Variants in DYSF observed in about 807,000 individuals in gnomAD.
The protein encoded by DYSF is dysferlin.
Under a neutral mutation model 274.9 loss-of-function variants are expected in DYSF, and 212 were observed. The observed-to-expected ratio is 0.77, with a 90% CI of 0.69 to 0.86. The LOEUF (loss-of-function observed/expected upper bound fraction) is 0.86. Among genes scored for constraint, DYSF ranks in the 40% least tolerant of loss-of-function variants. DYSF has a pLI of 0.00. For missense variants in DYSF, 2,666 were observed against 2,783.2 expected, an observed-to-expected ratio of 0.96 and a Z score of 0.95; for synonymous variants, 1,091 against 1,078.7, an observed-to-expected ratio of 1.01 and a Z score of -0.22.
intron 51 of DYSF, among the ~76,000 whole-genome samples, chr2:71,670,320 G>A (rs558717277): frequency 1.2e-4 from 18 of 152,348 alleles, no homozygotes; most frequent in African/African-American, 4.3e-4. Flanking sequence ...TGAGTGGGTA[G>A]AGTAGGGACA....
chr2:71,492,421 T>C (rs1296832887), intron 3 of DYSF, among the ~76,000 whole-genome samples: 2 of 152,220 alleles, frequency 1.3e-5, no homozygotes, highest in Admixed American at 6.5e-5. Flanking sequence ...ACCTGGCTCA[T>C]TGACGCTAAC....
At chr2:71,665,444 A>G in intron 47 of DYSF, 140 bp downstream of exon 47, 1 of 1,066,526 alleles carries the variant, frequency 9.4e-7, no homozygotes. Flanking sequence ...GGCAGCACAG[A>G]TGGGCTCCAC....
At chr2:71,614,484 CT>C (rs1193026759) in intron 40 of DYSF, among the ~76,000 whole-genome samples, 2 of 152,232 alleles carry the variant, frequency 1.3e-5, no homozygotes, top group Non-Finnish European at 2.9e-5. Flanking sequence ...CTCCTGCCCC[CT>C]GTCCCTTGTC....
chr2:71,537,755 T>C (rs10180237), intron 16 of DYSF, among the ~76,000 whole-genome samples: 98,532 of 151,954 alleles, frequency 0.65, 32,709 homozygotes, highest in Middle Eastern at 0.76. Context: ...AAAGAAAAAT[T>C]GAAGCACCAT....
chr2:71,680,082 G>C (rs2095277918), intron 53 of DYSF, among the ~76,000 whole-genome samples: 1 of 152,082 alleles, frequency 6.6e-6, no homozygotes, highest in Non-Finnish European at 1.5e-5. Context: ...ATGAGGCACA[G>C]TAAGAGATTA....
intron 3 of DYSF, among the ~76,000 whole-genome samples, chr2:71,500,616 C>T (rs1573546479): frequency 6.6e-6 from 1 of 152,084 alleles, no homozygotes; most frequent in African/African-American, 2.4e-5. Context: ...GGGAATTCTC[C>T]CTGGGCTGGG....
intron 17 of DYSF, 31 bp downstream of exon 17, chr2:71,539,270 C>CCAA (rs2089689912): frequency 9.4e-6 from 15 of 1,589,664 alleles, no homozygotes; most frequent in Non-Finnish European, 1.3e-5. Flanking sequence ...GCCCTTTGAC[C>CCAA]CCCTGTGCTC....
chr2:71,477,783 G>C (rs1385882227), intron 1 of DYSF, among the ~76,000 whole-genome samples: 1 of 152,222 alleles, frequency 6.6e-6, no homozygotes, highest in Non-Finnish European at 1.5e-5. Context: ...GCAACTTACT[G>C]TTAAGAAGTT....
At position 71,665,192 on chromosome 2, in the gene DYSF, C is replaced by T. The variant is rs1024569123; in HGVS notation, c.5205C>T (p.Leu1735=). Residue 1735 remains leucine (L), a synonymous_variant, in exon 47 of 56, where the codon CTC becomes CTT. Coordinates refer to ENST00000410020, the MANE Select transcript of DYSF (RefSeq NM_001130987.2). ...VSGPNQWRDQ[L]RPSQLLHLFC... The stretch of plus-strand genomic sequence containing the variant: ...GACCGAACCAGTGGCGGGACCAGCT[C>T]CGCCCCTCCCAGCTCCTCCACCTCT... 1 of 1,613,794 alleles carries T rather than the reference C, an allele frequency of 6.2e-7. No individual in the cohort carries two copies.
intron 3 of DYSF, among the ~76,000 whole-genome samples, chr2:71,493,624 G>T (rs2084081195): frequency 6.6e-6 from 1 of 152,106 alleles, no homozygotes; most frequent in African/African-American, 2.4e-5. Context: ...GGCCAAGGTG[G>T]GTGGATCATT....
intron 14 of DYSF, among the ~76,000 whole-genome samples, chr2:71,533,049 T>C (rs543748994): frequency 6.2e-4 from 94 of 152,340 alleles, no homozygotes; most frequent in African/African-American, 2.2e-3. Flanking sequence ...AGATGGAGTC[T>C]CACTCAGTAG....
Position 71,526,239 on chromosome 2 carries a change from C to G in DYSF, c.1169C>G (p.Ser390Cys). ...TTGTAGCTGGAGAGAAAAGACCCCTCTGAAGACAAGGAGGACATTGAAAGC... is the reference window on the plus strand; with the variant it reads ...TTGTAGCTGGAGAGAAAAGACCCCTGTGAAGACAAGGAGGACATTGAAAGC... ...DEAPLERKDP[S>C]EDKEDIESNL... The change falls in exon 13 of 56, where the codon TCT becomes TGT. Residue 390 changes from serine (S) to cysteine (C), a missense_variant. Physicochemically the swap from Ser to Cys is moderately radical, Grantham distance 112 (BLOSUM62 -1). Around this residue, in one of 3 missense-constraint regions of DYSF, gnomAD observed 794 missense variants for 777.1 expected, o/e 1.02. Coordinates refer to ENST00000410020, the MANE Select transcript of DYSF (RefSeq NM_001130987.2). 1 of 1,614,272 alleles carries G rather than the reference C, an allele frequency of 6.2e-7. No individual in the cohort carries two copies. The highest frequency in any genetic ancestry group is 8.5e-7 in the Non-Finnish European group (1 of 1,180,052).
chr2:71,491,953 T>C (rs1249116079), intron 3 of DYSF, among the ~76,000 whole-genome samples: 1 of 152,196 alleles, frequency 6.6e-6, no homozygotes, highest in African/African-American at 2.4e-5. Context: ...GCTTGGCCTC[T>C]GGTTTTAGCA....
chr2:71,498,423 G>T (rs111323532), intron 3 of DYSF, among the ~76,000 whole-genome samples: 1 of 152,166 alleles, frequency 6.6e-6, no homozygotes, highest in Non-Finnish European at 1.5e-5. Context: ...TCAATTCCTG[G>T]GTGGGGACCA....
rs964946465 is a variant in DYSF, at chr2:71,541,500, T to C, written c.1576+2261T>C. Among the ~76,000 whole-genome samples, 7 of 107,248 alleles carry C rather than the reference T, an allele frequency of 6.5e-5. No homozygotes were observed. In the East Asian group the frequency reaches 1.2e-3, roughly 18 times the overall value. 70.4% of individuals were successfully genotyped at this position (107,248 alleles called of 152,430 possible). The stretch of plus-strand genomic sequence containing the variant: ...TTACTTTTTCTTATTTCTAATGCTA[T>C]GTATTTGAGTTTTTTTTTCTTGATT... On this transcript the variant is annotated intron_variant, in intron 17 of 55. Coordinates refer to ENST00000410020, the MANE Select transcript of DYSF (RefSeq NM_001130987.2).
chr2:71,574,121 A>G, intron 29 of DYSF, 77 bp from the exon 30 acceptor site: 1 of 1,562,554 alleles, frequency 6.4e-7, no homozygotes, highest in Non-Finnish European at 8.7e-7. Flanking sequence ...GAAGACAGGA[A>G]GGCAAAGGTG....
At chr2:71,492,565 A>C (rs1237114221) in intron 3 of DYSF, among the ~76,000 whole-genome samples, 2 of 152,134 alleles carry the variant, frequency 1.3e-5, no homozygotes, top group East Asian at 3.8e-4. Flanking sequence ...CATTTTTTTT[A>C]ATTCAAATTT....
intron 30 of DYSF, among the ~76,000 whole-genome samples, chr2:71,584,537 G>A (rs2093000297): frequency 6.6e-6 from 1 of 152,218 alleles, no homozygotes; most frequent in Non-Finnish European, 1.5e-5. Flanking sequence ...GGTAGGAGGT[G>A]CTGTCTGATG....
intron 17 of DYSF, among the ~76,000 whole-genome samples, chr2:71,550,675 G>C (rs976940715): frequency 6.6e-6 from 1 of 152,212 alleles, no homozygotes; most frequent in Non-Finnish European, 1.5e-5. Flanking sequence ...GAGCAGTGGA[G>C]GGCCTCAAAC....
Sources: gnomAD v4.1 joint callset for allele counts (sites outside exome capture counted in the v4.1 genomes callset) on GRCh38, gnomAD v4.1.1 for gene constraint, gnomAD v4.1.1 regional missense constraint, MANE v1.5 for transcripts, NCBI Gene and HGNC (gene_info 2026-07-23, HGNC 2026-07-21) for gene names.